The following ATP2B2 variants were observed in gnomAD, a reference collection of about 807,000 sequenced individuals.
The protein encoded by ATP2B2 is ATPase plasma membrane Ca2+ transporting 2.
In ATP2B2, 15 loss-of-function variants were observed where a neutral mutation model predicts 120.0. That is an observed-to-expected ratio of 0.12 (90% CI 0.08 to 0.19). The LOEUF (loss-of-function observed/expected upper bound fraction) is 0.19, where lower values mean the gene tolerates loss of function less well. ATP2B2 is among the 10% of genes least tolerant of loss of function. The pLI is 1.00. For missense variants in ATP2B2, 1,045 were observed against 1,719.8 expected, an observed-to-expected ratio of 0.61 and a Z score of 6.94; for synonymous variants, 694 against 700.3, an observed-to-expected ratio of 0.99 and a Z score of 0.14.
rs564021604 is a variant in ATP2B2 at position 10,365,667 on chromosome 3, G to T, written c.1660-5544C>A. Among the ~76,000 whole-genome samples, 13 of 149,078 alleles carry T rather than the reference G, an allele frequency of 8.7e-5. No individual in the cohort carries two copies. The East Asian group carries it at 2.6e-3, about 30-fold the overall frequency. ...TGTGTAGTGTACTTGGTATGTGTGT[G>T]GTGTGTGTGTGTGTATATGATGTGT... On this transcript the variant is annotated intron_variant, in intron 12 of 22. Coordinates refer to ENST00000360273, the MANE Select transcript of ATP2B2 (RefSeq NM_001001331.4).
intron 1 of ATP2B2, among the ~76,000 whole-genome samples, chr3:10,637,966 G>C (rs2070069102): frequency 6.6e-6 from 1 of 152,022 alleles, no homozygotes; most frequent in Admixed American, 6.5e-5. Context: ...TAGAAGCAAT[G>C]CAAGTGAGAA....
chr3:10,554,047 C>T (rs989714204), intron 2 of ATP2B2, among the ~76,000 whole-genome samples: 1 of 151,972 alleles, frequency 6.6e-6, no homozygotes, highest in Non-Finnish European at 1.5e-5. Context: ...CTTTTCAGAA[C>T]AAGGCATAGG....
chr3:10,663,147 C>A (rs1214050371), intron 1 of ATP2B2, among the ~76,000 whole-genome samples: 1 of 151,040 alleles, frequency 6.6e-6, no homozygotes, highest in Non-Finnish European at 1.5e-5. Context: ...ATGTAAATGA[C>A]GAGTTAACGG....
intron 1 of ATP2B2, among the ~76,000 whole-genome samples, chr3:10,464,023 CAGACCCT>C (rs1274078640): frequency 1.3e-5 from 2 of 152,184 alleles, no homozygotes; most frequent in Admixed American, 6.5e-5. Context: ...CCCCAGACCC[CAGACCCT>C]GGAACCCCAT....
chr3:10,376,095 C>T (rs1027335288), intron 10 of ATP2B2, among the ~76,000 whole-genome samples: 17 of 152,198 alleles, frequency 1.1e-4, no homozygotes, highest in Admixed American at 2.6e-4. Flanking sequence ...ACCTATGACA[C>T]GCCAGGCACA....
At chr3:10,605,626 C>T (rs1201907979) in intron 2 of ATP2B2, among the ~76,000 whole-genome samples, 3 of 149,524 alleles carry the variant, frequency 2.0e-5, no homozygotes, top group Admixed American at 6.7e-5. Context: ...ACTAGCCTGG[C>T]CAACACACTG....
At chr3:10,513,338 C>T (rs1217846298) in intron 3 of ATP2B2, among the ~76,000 whole-genome samples, 1 of 152,046 alleles carries the variant, frequency 6.6e-6, no homozygotes, top group Admixed American at 6.6e-5. Context: ...AAAAGCTTAG[C>T]AGTTCTCAAT....
At position 10,375,036 on chromosome 3, in the gene ATP2B2, G is replaced by A. The variant is rs1381162083; in HGVS notation, c.1416+394C>T. The stretch of plus-strand genomic sequence containing the variant: ...GGTAAGGATGAATTCTGGCTTGCAC[G>A]GTGATGTCTTTATTATTTTTTTAAA... On this transcript the variant is annotated intron_variant, in intron 11 of 22. Coordinates refer to ENST00000360273, the MANE Select transcript of ATP2B2 (RefSeq NM_001001331.4). This position sits in a 1 kb window ranked among gnomAD's most constrained non-coding sequence, Gnocchi z 4.2. 1.3e-5 allele frequency among the ~76,000 whole-genome samples: 2 copies of A among 152,122 alleles called. No homozygotes were observed. The highest frequency in any genetic ancestry group is 1.9e-4 in the East Asian group (1 of 5,194).
intron 5 of ATP2B2, among the ~76,000 whole-genome samples, chr3:10,394,880 G>A (rs1249838113): frequency 3.3e-5 from 5 of 152,078 alleles, no homozygotes; most frequent in Non-Finnish European, 2.9e-5. Flanking sequence ...CCTGGCTCCA[G>A]CCCCTTCCAC....
intron 3 of ATP2B2, among the ~76,000 whole-genome samples, chr3:10,510,675 A>G (rs1164411228): frequency 6.6e-6 from 1 of 152,228 alleles, no homozygotes; most frequent in Non-Finnish European, 1.5e-5. Flanking sequence ...TCACAGTGTT[A>G]CTGTGGAAAC....
At chr3:10,392,025 G>A (rs949231076) in intron 5 of ATP2B2, among the ~76,000 whole-genome samples, 5 of 151,914 alleles carry the variant, frequency 3.3e-5, no homozygotes, top group African/African-American at 4.8e-5. Context: ...CTTCTCCTTG[G>A]GTAGCCCTCC....
In ATP2B2 at chr3:10,342,661, G is replaced by A. The variant is rs552878014; in HGVS notation, c.2917+91C>T. On this transcript the variant is annotated intron_variant, in intron 19 of 22. Coordinates refer to ENST00000360273, the MANE Select transcript of ATP2B2 (RefSeq NM_001001331.4). This position sits in a 1 kb window ranked among gnomAD's most constrained non-coding sequence, Gnocchi z 4.4. Reference sequence around the variant, plus strand: ...TTCCCCATTAGCAAAACAGGAGGGGGTTGTGACTCGAGAATGCTGGGTGAG... The same window carrying A: ...TTCCCCATTAGCAAAACAGGAGGGGATTGTGACTCGAGAATGCTGGGTGAG... 13 of 1,468,960 alleles carry A rather than the reference G, an allele frequency of 8.8e-6. No homozygotes were observed. In the African/African-American group the frequency reaches 1.7e-4, roughly 19 times the overall value. 91.0% of individuals were successfully genotyped at this position (1,468,960 alleles called of 1,614,324 possible).
intron 22 of ATP2B2, chr3:10,330,109 T>A (rs189702215): frequency 6.5e-6 from 1 of 153,352 alleles, no homozygotes; most frequent in East Asian, 1.9e-4. Context: ...CCAGCCCCAG[T>A]GGGATTCTGG....
intron 1 of ATP2B2, among the ~76,000 whole-genome samples, chr3:10,655,518 G>A (rs1051973368): frequency 8.2e-6 from 1 of 122,590 alleles, no homozygotes; most frequent in Non-Finnish European, 1.6e-5. Flanking sequence ...GCTACTCAAA[G>A]TATGGTCCCT....
chr3:10,595,513 G>A (rs76541905), intron 2 of ATP2B2, among the ~76,000 whole-genome samples: 257 of 152,148 alleles, frequency 1.7e-3, no homozygotes, highest in African/African-American at 5.5e-3. Context: ...TTACCCTCAC[G>A]GTGCAGATAA....
At chr3:10,406,081 T>A (rs1254702601) in intron 3 of ATP2B2, among the ~76,000 whole-genome samples, 1 of 152,254 alleles carries the variant, frequency 6.6e-6, no homozygotes, top group African/African-American at 2.4e-5. Flanking sequence ...CCCAACTGCT[T>A]TCTCAGTGAT....
chr3:10,341,374 G>A lies in ATP2B2; in HGVS notation c.2918-670C>T, dbSNP rs552108212. On this transcript the variant is annotated intron_variant, in intron 19 of 22. Coordinates refer to ENST00000360273, the MANE Select transcript of ATP2B2 (RefSeq NM_001001331.4). ...TGCCCAGGCTGGAGGACAGTGGCGTGATCTCAGCTCACTGCAACACCCGCC... is the reference window on the plus strand; with the variant it reads ...TGCCCAGGCTGGAGGACAGTGGCGTAATCTCAGCTCACTGCAACACCCGCC... 2.0e-5 allele frequency among the ~76,000 whole-genome samples: 3 copies of A among 152,270 alleles called. No individual in the cohort carries two copies. In the East Asian group the frequency reaches 5.8e-4, roughly 29 times the overall value.
rs372474349 is a variant in ATP2B2, at chr3:10,338,130, C to T, written c.3420+46G>A. The T allele has an allele frequency of 8.1e-6, 13 of 1,610,974 alleles. No individual in the cohort carries two copies. In the African/African-American group the frequency reaches 1.7e-4, roughly 22 times the overall value. On this transcript the variant is annotated intron_variant, in intron 22 of 22. Transcript: ENST00000360273. ...AAGCACACTCACCTCCATCCCCTGG[C>T]CCGCCCCGGCCAGGCCTGGGCCCAG...
chr3:10,346,003 C>T lies in ATP2B2; in HGVS notation c.2511+28G>A. ...AGTCCAATCTCCCCAGCCCCCACCA[C>T]CCCAGGCCCTCTGTGGGCCGTTCCT... On this transcript the variant is annotated intron_variant, in intron 17 of 22. Coordinates refer to ENST00000360273, the MANE Select transcript of ATP2B2 (RefSeq NM_001001331.4). This position sits in a 1 kb window ranked among gnomAD's most constrained non-coding sequence, Gnocchi z 4.1. The T allele has an allele frequency of 6.3e-7, 1 of 1,595,504 alleles. No homozygotes were observed. The highest frequency in any genetic ancestry group is 8.5e-7 in the Non-Finnish European group (1 of 1,172,526).
Sources: allele counts gnomAD v4.1 joint callset (sites outside exome capture counted in the v4.1 genomes callset), GRCh38; gene constraint gnomAD v4.1.1; non-coding constraint Gnocchi (gnomAD v3.1); transcripts MANE v1.5; gene names NCBI Gene and HGNC (gene_info 2026-07-23, HGNC 2026-07-21).